ADAMTS9: variants seen among roughly 807,000 people sequenced by gnomAD.
ADAMTS9 encodes ADAM metallopeptidase with thrombospondin type 1 motif 9, also known as A disintegrin and metalloproteinase with thrombospondin motifs 9.
Under a neutral mutation model 257.1 loss-of-function variants are expected in ADAMTS9, and 107 were observed. That is an observed-to-expected ratio of 0.42 (90% CI 0.36 to 0.49). The LOEUF is 0.49. Among genes scored for constraint, ADAMTS9 ranks in the 20% least tolerant of loss-of-function variants. The pLI is 0.03. For missense variants in ADAMTS9, 2,353 were observed against 2,469.1 expected (o/e 0.95, Z 1.00); for synonymous variants, 982 against 880.9 (o/e 1.11, Z -2.03).
rs1700432645 is a variant in ADAMTS9 at position 64,633,896 on chromosome 3, G to A, written c.1857-17C>T. The A allele has an allele frequency of 6.2e-7, 1 of 1,601,558 alleles. No homozygotes were observed. The highest frequency in any genetic ancestry group is 1.1e-5 in the South Asian group (1 of 88,588). On this transcript the variant is annotated splice_polypyrimidine_tract_variant and intron_variant, in intron 12 of 39. Coordinates refer to ENST00000498707, the MANE Select transcript of ADAMTS9 (RefSeq NM_182920.2). ...TTTTTTGGTCTGAAAAAGAAAAAAT[G>A]TGAAGAGCACACACACTGTATTATC...
intron 30 of ADAMTS9, 47 bp downstream of exon 30, chr3:64,561,531 C>T (rs756277187): frequency 3.8e-6 from 6 of 1,572,346 alleles, no homozygotes; most frequent in African/African-American, 1.3e-5. Flanking sequence ...TAGCAAGGGG[C>T]GCACACGTGA....
At chr3:64,530,526 T>TAAAAA (rs55726329) in intron 38 of ADAMTS9, among the ~76,000 whole-genome samples, 1 of 116,604 alleles carries the variant, frequency 8.6e-6, no homozygotes, top group Non-Finnish European at 1.8e-5. Context: ...CACCAAGATT[T>TAAAAA]AAAAAAAAAA....
chr3:64,567,688 T>C (rs545740501), intron 29 of ADAMTS9, among the ~76,000 whole-genome samples: 4 of 152,186 alleles, frequency 2.6e-5, no homozygotes, highest in Non-Finnish European at 5.9e-5. Context: ...ATCAGTGTCT[T>C]GGGTACTCAC....
chr3:64,627,760 T>A (rs953733144), intron 16 of ADAMTS9, among the ~76,000 whole-genome samples: 3 of 152,116 alleles, frequency 2.0e-5, no homozygotes, highest in African/African-American at 7.2e-5. Flanking sequence ...CCCTCTCTCC[T>A]GGAAATTCCT....
At chr3:64,670,067 G>A (rs1419389518) in intron 3 of ADAMTS9, among the ~76,000 whole-genome samples, 1 of 152,204 alleles carries the variant, frequency 6.6e-6, no homozygotes, top group African/African-American at 2.4e-5. Context: ...CTCTTCAGCA[G>A]CAGGGCATGT....
At chr3:64,644,603 A>C (rs1168899757) in intron 11 of ADAMTS9, among the ~76,000 whole-genome samples, 1 of 152,196 alleles carries the variant, frequency 6.6e-6, no homozygotes, top group African/African-American at 2.4e-5. Flanking sequence ...AGGATTCCTG[A>C]AGAGGCCCTT....
chr3:64,654,663 A>G, intron 6 of ADAMTS9, 51 bp from the exon 7 acceptor site: 1 of 1,588,926 alleles, frequency 6.3e-7, no homozygotes. Context: ...GTAAATGTCA[A>G]TACAAGTAAA....
intron 16 of ADAMTS9, among the ~76,000 whole-genome samples, chr3:64,628,788 A>G (rs1462471951): frequency 1.3e-5 from 2 of 152,228 alleles, no homozygotes; most frequent in African/African-American, 4.8e-5. Context: ...GTAGGTAGTC[A>G]TTAAAGACAG....
intron 30 of ADAMTS9, among the ~76,000 whole-genome samples, chr3:64,553,705 G>A (rs966502798): frequency 6.6e-6 from 1 of 152,000 alleles, no homozygotes; most frequent in Non-Finnish European, 1.5e-5. Context: ...TGCTGCTTGG[G>A]AGTAAACCTC....
At chr3:64,554,764 CTACATGTG>C (rs2083310118) in intron 30 of ADAMTS9, among the ~76,000 whole-genome samples, 1 of 152,166 alleles carries the variant, frequency 6.6e-6, no homozygotes, top group African/African-American at 2.4e-5. Context: ...GTTCTGCAAG[CTACATGTG>C]CCTTTAAATA....
intron 38 of ADAMTS9, among the ~76,000 whole-genome samples, chr3:64,523,922 A>C (rs540896664): frequency 1.3e-5 from 2 of 152,334 alleles, no homozygotes; most frequent in South Asian, 2.1e-4. Context: ...AATGGCTCTG[A>C]ATATTAGCTT....
chr3:64,603,185 C>T (rs1444199205), intron 25 of ADAMTS9, among the ~76,000 whole-genome samples: 3 of 152,186 alleles, frequency 2.0e-5, no homozygotes, highest in Non-Finnish European at 4.4e-5. Flanking sequence ...GACTCATGGA[C>T]TTAAACCACA....
At chr3:64,518,287 C>T (rs1259925504) in intron 39 of ADAMTS9, among the ~76,000 whole-genome samples, 1 of 152,162 alleles carries the variant, frequency 6.6e-6, no homozygotes, top group African/African-American at 2.4e-5. Flanking sequence ...ATTTCCTTAG[C>T]TCCTTGTAAC....
intron 38 of ADAMTS9, among the ~76,000 whole-genome samples, chr3:64,527,983 T>C (rs1174213502): frequency 2.0e-5 from 3 of 152,212 alleles, no homozygotes; most frequent in African/African-American, 7.2e-5. Flanking sequence ...TGAATCCATC[T>C]CTTCTATGGT....
chr3:64,670,945 T>C (rs1439893096), intron 3 of ADAMTS9, among the ~76,000 whole-genome samples: 2 of 152,196 alleles, frequency 1.3e-5, no homozygotes, highest in African/African-American at 4.8e-5. Flanking sequence ...CAGGTGGAGC[T>C]ACAAAATGGC....
At chr3:64,531,095 C>T (rs2082975151) in intron 38 of ADAMTS9, among the ~76,000 whole-genome samples, 2 of 152,106 alleles carry the variant, frequency 1.3e-5, no homozygotes, top group African/African-American at 4.8e-5. Flanking sequence ...ATCAATATGA[C>T]TATTTAGTTA....
Position 64,621,020 on chromosome 3 carries a change from A to G in ADAMTS9, c.2813+94T>C, listed in dbSNP as rs1259202070. The G allele has an allele frequency of 1.2e-5, 17 of 1,446,676 alleles. No individual in the cohort carries two copies. In the Admixed American group the frequency reaches 3.8e-4, roughly 33 times the overall value. The allele number at this position is 1,446,676 out of a possible 1,614,324, so 89.6% of individuals were successfully genotyped here. On this transcript the variant is annotated intron_variant, in intron 19 of 39. Transcript: ENST00000498707. ...CTGAAACACAAGAAAGGGGAACTAA[A>G]GACCAGCATCCCCTCCTTTTGCTTC...
intron 30 of ADAMTS9, chr3:64,561,321 GTTTTT>G: frequency 4.8e-6 from 1 of 206,422 alleles, no homozygotes; most frequent in Non-Finnish European, 9.0e-6. Flanking sequence ...GCCTGTTAAA[GTTTTT>G]TTTTTTTTTT....
intron 19 of ADAMTS9, 104 bp from the exon 20 acceptor site, chr3:64,616,274 T>A: frequency 8.2e-7 from 1 of 1,221,780 alleles, no homozygotes; most frequent in Non-Finnish European, 1.2e-6. Flanking sequence ...TTTTCTTTCT[T>A]AACTCGAATA....
Sources: gnomAD v4.1 joint callset for allele counts (sites outside exome capture counted in the v4.1 genomes callset) on GRCh38, gnomAD v4.1.1 for gene constraint, MANE v1.5 for transcripts, NCBI Gene and HGNC (gene_info 2026-07-23, HGNC 2026-07-21) for gene names.